MRPS35: variants seen among roughly 807,000 people sequenced by gnomAD.
MRPS35 encodes the protein small ribosomal subunit protein mS35.
Under a neutral mutation model 32.7 loss-of-function variants are expected in MRPS35, and 29 were observed. The ratio of observed to expected loss-of-function variants is 0.89; its 90% CI spans 0.66 to 1.21. The LOEUF (loss-of-function observed/expected upper bound fraction) is 1.21, where lower values mean the gene tolerates loss of function less well. Among genes scored for constraint, MRPS35 ranks in the 50% most tolerant of loss-of-function variants. MRPS35 has a pLI of 0.00. For missense variants in MRPS35, 373 were observed against 383.8 expected (o/e 0.97, Z 0.23); for synonymous variants, 148 against 139.3 (o/e 1.06, Z -0.44).
rs149994546 is a variant in MRPS35, at chr12:27,710,866, C to T, written c.23C>T (p.Ala8Val). MAAAALP[A>V]WLSLQSRART... is the part of the protein sequence containing the mutation. ...GCCATGGCGGCCGCCGCGCTCCCAGCATGGCTGTCTCTGCAGTCGAGGGCA... is the reference window on the plus strand; with the variant it reads ...GCCATGGCGGCCGCCGCGCTCCCAGTATGGCTGTCTCTGCAGTCGAGGGCA... The change falls in exon 1 of 8, where the codon GCA becomes GTA. Residue 8 changes from alanine (A) to valine (V), a missense_variant. Physicochemically the swap from Ala to Val is moderately conservative, Grantham distance 64 (BLOSUM62 0). Coordinates refer to ENST00000081029, the MANE Select transcript of MRPS35 (RefSeq NM_021821.4). The T allele has an allele frequency of 8.4e-5, 135 of 1,609,954 alleles. No homozygotes were observed. The highest frequency in any genetic ancestry group is 2.2e-5 in the East Asian group (1 of 44,882).
At chr12:27,733,038 A>ATATCTATCTATCTATCTATCTATC in intron 5 of MRPS35, among the ~76,000 whole-genome samples, 1 of 76,122 alleles carries the variant, frequency 1.3e-5, no homozygotes, top group East Asian at 4.4e-4. Flanking sequence ...ATATATATAT[A>ATATCTATCTATCTATCTATCTATC]TATCCAGCAC....
intron 7 of MRPS35, among the ~76,000 whole-genome samples, chr12:27,750,449 A>G (rs1366428206): frequency 1.3e-5 from 2 of 152,194 alleles, no homozygotes; most frequent in Non-Finnish European, 2.9e-5. Context: ...TGTTACTGTC[A>G]TTATCTTGGA....
chr12:27,751,137 GA>G (rs1230049380), intron 7 of MRPS35, among the ~76,000 whole-genome samples: 3 of 124,376 alleles, frequency 2.4e-5, no homozygotes, highest in Non-Finnish European at 5.3e-5. Flanking sequence ...GAAAAGAAAA[GA>G]AAAAGGAAAA....
intron 6 of MRPS35, among the ~76,000 whole-genome samples, chr12:27,736,707 A>G (rs923752526): frequency 2.6e-5 from 4 of 152,178 alleles, no homozygotes; most frequent in Admixed American, 6.5e-5. Context: ...TTAAAGCTCA[A>G]TGTGTCATCT....
chr12:27,752,306 A>G (rs1370636700), intron 7 of MRPS35, among the ~76,000 whole-genome samples: 3 of 152,198 alleles, frequency 2.0e-5, no homozygotes, highest in South Asian at 4.1e-4. Flanking sequence ...ATATCTTGGC[A>G]TACCTGTAAT....
Position 27,745,526 on chromosome 12 carries a change from A to G in MRPS35, c.702+7918A>G, listed in dbSNP as rs185517335. ...AATTGAAAATTCATCTATCTCCATA[A>G]CCTGTTTTCAGCTGGGGGTTGTATC... On this transcript the variant is annotated intron_variant, in intron 7 of 7. Coordinates refer to ENST00000081029, the MANE Select transcript of MRPS35 (RefSeq NM_021821.4). Among the ~76,000 whole-genome samples the G allele has an allele frequency of 2.0e-3, 299 of 151,916 alleles. 1 individual carries two copies. The highest frequency in any genetic ancestry group is 6.1e-3 in the African/African-American group (251 of 41,422).
At chr12:27,754,549 T>C (rs1014320561) in intron 7 of MRPS35, among the ~76,000 whole-genome samples, 4 of 151,876 alleles carry the variant, frequency 2.6e-5, no homozygotes, top group Admixed American at 6.6e-5. Context: ...GAATAATCAC[T>C]TGAGCCCAGG....
rs769376905 is a variant in MRPS35 at position 27,710,858 on chromosome 12, G to C, written c.15G>C (p.Ala5=). Residue 5 remains alanine, a synonymous_variant, in exon 1 of 8, where the codon GCG becomes GCC. Transcript: ENST00000081029. The part of the protein sequence containing the change: MAAA[A]LPAWLSLQSR... ...TCCTCGCAGCCATGGCGGCCGCCGCGCTCCCAGCATGGCTGTCTCTGCAGT... is the reference window on the plus strand; with the variant it reads ...TCCTCGCAGCCATGGCGGCCGCCGCCCTCCCAGCATGGCTGTCTCTGCAGT... 3.7e-6 allele frequency: 6 copies of C among 1,608,048 alleles called. No individual in the cohort carries two copies. Among genetic ancestry groups the C allele is most frequent in the South Asian group, 3.3e-5 (3 of 91,000 alleles).
At chr12:27,736,046 G>A (rs1011124440) in intron 6 of MRPS35, among the ~76,000 whole-genome samples, 6 of 152,150 alleles carry the variant, frequency 3.9e-5, no homozygotes, top group African/African-American at 1.4e-4. Context: ...TTTATAAATT[G>A]CGTCATTTTT....
chr12:27,733,034 A>ATCTATC (rs1433797132), intron 5 of MRPS35, among the ~76,000 whole-genome samples: 6 of 62,066 alleles, frequency 9.7e-5, no homozygotes, highest in African/African-American at 2.6e-4. Flanking sequence ...ATATATATAT[A>ATCTATC]TATATATCCA....
At chr12:27,751,995 C>A (rs1217725192) in intron 7 of MRPS35, among the ~76,000 whole-genome samples, 1 of 151,790 alleles carries the variant, frequency 6.6e-6, no homozygotes, top group East Asian at 1.9e-4. Context: ...ATCCCAGCAC[C>A]TTGAGAGGCT....
At chr12:27,713,621 T>C (rs1177112227) in intron 1 of MRPS35, among the ~76,000 whole-genome samples, 1 of 152,090 alleles carries the variant, frequency 6.6e-6, no homozygotes, top group East Asian at 1.9e-4. Flanking sequence ...TTTTTGTTCT[T>C]TCTGTGCCCT....
At chr12:27,729,505 T>C (rs950126012) in intron 5 of MRPS35, among the ~76,000 whole-genome samples, 14 of 152,140 alleles carry the variant, frequency 9.2e-5, no homozygotes, top group African/African-American at 3.4e-4. Flanking sequence ...TTGCATACTT[T>C]AATTGTCTGT....
At chr12:27,734,020 G>GA (rs902542936) in intron 5 of MRPS35, among the ~76,000 whole-genome samples, 7 of 152,100 alleles carry the variant, frequency 4.6e-5, no homozygotes, top group African/African-American at 7.2e-5. Flanking sequence ...AATCAGTGGG[G>GA]AAAAAATGGG....
chr12:27,739,967 T>C (rs567614401), intron 7 of MRPS35, among the ~76,000 whole-genome samples: 1 of 152,348 alleles, frequency 6.6e-6, no homozygotes, highest in South Asian at 2.1e-4. Flanking sequence ...CACATACAAC[T>C]GTCCAAACAA....
rs1244394212 is a variant in MRPS35 at position 27,716,403 on chromosome 12, A to T, written c.266A>T (p.Tyr89Phe). 1.2e-6 allele frequency: 2 copies of T among 1,614,054 alleles called. No homozygotes were observed. The highest frequency in any genetic ancestry group is 1.3e-5 in the African/African-American group (1 of 74,918). The change falls in exon 3 of 8, where the codon TAT becomes TTT. Residue 89 changes from tyrosine (Y) to phenylalanine (F), a missense_variant. Coordinates refer to ENST00000081029, the MANE Select transcript of MRPS35 (RefSeq NM_021821.4). ...GTACCTCTTCCTGTTCGAATGGGTT[A>T]TCCAGTAAAAAAGGGCGTGCCCATG... The part of the protein sequence containing the change: ...SAVPLPVRMG[Y>F]PVKKGVPMAK...
intron 1 of MRPS35, 54 bp from the exon 2 acceptor site, chr12:27,714,726 C>T: frequency 6.6e-6 from 9 of 1,359,494 alleles, no homozygotes; most frequent in Non-Finnish European, 9.4e-6. Flanking sequence ...TGTTGAACAA[C>T]TAACTTGACA....
At position 27,716,311 on chromosome 12, in the gene MRPS35, G is replaced by A. The variant is rs2061850342; in HGVS notation, c.174G>A (p.Glu58=). The A allele has an allele frequency of 1.2e-6, 2 of 1,610,862 alleles. No homozygotes were observed. The highest frequency in any genetic ancestry group is 1.7e-6 in the Non-Finnish European group (2 of 1,178,906). ...CTTAGGCACTACCTCCTAGGACAGA[G>A]AAAATGGCTGTTGACCAGGACTGGC... The part of the protein sequence containing the change: ...PRRKALPPRT[E]KMAVDQDWPS... Residue 58 remains glutamate, a synonymous_variant, in exon 3 of 8, where the codon GAG becomes GAA. Transcript: ENST00000081029.
intron 7 of MRPS35, among the ~76,000 whole-genome samples, chr12:27,747,983 T>A (rs1276284957): frequency 6.6e-6 from 1 of 152,222 alleles, no homozygotes. Context: ...AAACAGGTGA[T>A]AATAGTACTA....
Sources: gnomAD v4.1 joint callset for allele counts (sites outside exome capture counted in the v4.1 genomes callset) on GRCh38, gnomAD v4.1.1 for gene constraint, MANE v1.5 for transcripts, NCBI Gene and HGNC (gene_info 2026-07-23, HGNC 2026-07-21) for gene names.